The following CFAP20DC variants were observed in gnomAD, a reference collection of about 807,000 sequenced individuals.
CFAP20DC encodes protein CFAP20DC.
In CFAP20DC, 84 loss-of-function variants were observed where a neutral mutation model predicts 101.7. The observed-to-expected ratio is 0.83, with a 90% CI of 0.69 to 0.99. CFAP20DC has a LOEUF of 0.99. Among genes scored for constraint, CFAP20DC ranks in the 50% least tolerant of loss-of-function variants. The pLI is 0.00. For synonymous variants in CFAP20DC, 359 were observed against 351.2 expected, an observed-to-expected ratio of 1.02 and a Z score of -0.25; for missense variants, 1,007 against 970.3, an observed-to-expected ratio of 1.04 and a Z score of -0.50.
intron 12 of CFAP20DC, among the ~76,000 whole-genome samples, chr3:58,858,644 C>T (rs528922010): frequency 3.9e-5 from 6 of 151,950 alleles, no homozygotes; most frequent in African/African-American, 1.4e-4. Flanking sequence ...AAATTCAATC[C>T]ACCATGAAAA....
Position 58,849,243 on chromosome 3 carries a change from A to G in CFAP20DC, c.1760T>C (p.Met587Thr), listed in dbSNP as rs758166733. The change falls in exon 13 of 17, where the codon ATG becomes ACG. Residue 587 changes from methionine to threonine, a missense_variant. Coordinates refer to ENST00000482387, the MANE Select transcript of CFAP20DC (RefSeq NM_001394063.1). Reference protein sequence around the residue: ...AGATESQDSSMEQIDRNNFEM... With the variant: ...AGATESQDSSTEQIDRNNFEM... ...AAAGTTATTTCTATCTATTTGCTCCATCGAGGAATCCTGGCTTTCTGTTGC... is the reference window on the plus strand; with the variant it reads ...AAAGTTATTTCTATCTATTTGCTCCGTCGAGGAATCCTGGCTTTCTGTTGC... The G allele has an allele frequency of 6.5e-7, 1 of 1,536,108 alleles. No individual in the cohort carries two copies.
chr3:59,004,560 T>A (rs566391948), intron 4 of CFAP20DC, among the ~76,000 whole-genome samples: 6 of 152,294 alleles, frequency 3.9e-5, no homozygotes, highest in Non-Finnish European at 8.8e-5. Context: ...ACTCTTGGAT[T>A]TGGTCAACAA....
chr3:58,790,685 G>A (rs2072775512), intron 15 of CFAP20DC, among the ~76,000 whole-genome samples: 2 of 152,282 alleles, frequency 1.3e-5, no homozygotes, highest in South Asian at 4.2e-4. Flanking sequence ...CTATGAATGT[G>A]ATTTAAGCAA....
intron 4 of CFAP20DC, among the ~76,000 whole-genome samples, chr3:58,997,897 C>A (rs1472992478): frequency 6.6e-6 from 1 of 152,036 alleles, no homozygotes; most frequent in Non-Finnish European, 1.5e-5. Flanking sequence ...TAGGGGGGTC[C>A]AGCAAAGAAT....
intron 4 of CFAP20DC, among the ~76,000 whole-genome samples, chr3:58,986,353 T>TTA (rs1311910540): frequency 6.6e-6 from 1 of 152,032 alleles, no homozygotes; most frequent in African/African-American, 2.4e-5. Context: ...ACACATAAAA[T>TTA]TATAGATGGG....
At chr3:59,019,502 C>T (rs2093759031) in intron 4 of CFAP20DC, among the ~76,000 whole-genome samples, 1 of 151,826 alleles carries the variant, frequency 6.6e-6, no homozygotes, top group African/African-American at 2.4e-5. Context: ...ATGAAAGCAG[C>T]CTAGGTCCCC....
chr3:58,944,172 T>C (rs953441503), intron 4 of CFAP20DC, among the ~76,000 whole-genome samples: 1 of 147,156 alleles, frequency 6.8e-6, no homozygotes, highest in Non-Finnish European at 1.5e-5. Context: ...CTAGGAGAAC[T>C]TACCCAACCT....
At chr3:58,836,405 T>C (rs989690465) in intron 13 of CFAP20DC, among the ~76,000 whole-genome samples, 1 of 152,168 alleles carries the variant, frequency 6.6e-6, no homozygotes, top group Non-Finnish European at 1.5e-5. Context: ...TAGGACAGAA[T>C]AGTTTAATCA....
rs149734914 is a variant in CFAP20DC at position 58,784,200 on chromosome 3, T to C, written c.2237+22195A>G. ...TGGTATTGGTTTTCTATTCCTGGGT[T>C]AATTTGCTTAGGATAATGACCTCCA... is the stretch of plus-strand genomic sequence containing the variant. On this transcript the variant is annotated intron_variant, in intron 15 of 16. Transcript: ENST00000482387. Among the ~76,000 whole-genome samples the C allele has an allele frequency of 6.9e-3, 1,051 of 152,156 alleles. 13 individuals are homozygous for C. The highest frequency in any genetic ancestry group is 0.023 in the African/African-American group (975 of 41,508).
intron 13 of CFAP20DC, among the ~76,000 whole-genome samples, chr3:58,833,008 G>C (rs1006441488): frequency 6.6e-6 from 1 of 152,076 alleles, no homozygotes; most frequent in African/African-American, 2.4e-5. Flanking sequence ...GAATTTTTTA[G>C]ATGTTTATAT....
At position 58,736,783 on chromosome 3, in the gene CFAP20DC, C is replaced by G. The variant is rs530757672; in HGVS notation, c.197+16986G>C. On this transcript the variant is annotated intron_variant, in intron 3 of 3. Coordinates refer to the CFAP20DC transcript ENST00000486145. ...TTGGGCTGATGAAAACCAATCAATA[C>G]TATTTCCTACACATCACTTTCGTAA... Among the ~76,000 whole-genome samples, 9 of 152,318 alleles carry G rather than the reference C, an allele frequency of 5.9e-5. No individual in the cohort carries two copies. The South Asian group carries it at 1.7e-3, about 28-fold the overall frequency.
intron 15 of CFAP20DC, among the ~76,000 whole-genome samples, chr3:58,758,409 T>C (rs770277188): frequency 1.3e-5 from 2 of 152,110 alleles, no homozygotes; most frequent in Non-Finnish European, 2.9e-5. Flanking sequence ...AACCATTTCG[T>C]GGGTTGGCTT....
At position 58,927,502 on chromosome 3, in the gene CFAP20DC, C is replaced by T. The variant is rs557210184; in HGVS notation, c.393+10146G>A. On this transcript the variant is annotated intron_variant, in intron 5 of 16. Coordinates refer to ENST00000482387, the MANE Select transcript of CFAP20DC (RefSeq NM_001394063.1). Reference sequence around the variant, plus strand: ...GAGCTTGCAGCTTCTTAGAAGTGTGCCATTACTACTTAGCTCCCACCAAGT... The same window carrying T: ...GAGCTTGCAGCTTCTTAGAAGTGTGTCATTACTACTTAGCTCCCACCAAGT... 8.2e-4 allele frequency among the ~76,000 whole-genome samples: 125 copies of T among 152,236 alleles called. 1 individual carries two copies. Among genetic ancestry groups the T allele is most frequent in the Non-Finnish European group, 1.4e-3 (98 of 68,016 alleles).
chr3:58,731,808 G>A (rs543682169), intron 3 of CFAP20DC, among the ~76,000 whole-genome samples: 2 of 152,090 alleles, frequency 1.3e-5, no homozygotes, highest in African/African-American at 2.4e-5. Context: ...GAAGAAAGGC[G>A]CCATGATTAA....
intron 3 of CFAP20DC, among the ~76,000 whole-genome samples, chr3:58,720,522 G>A (rs2067457099): frequency 2.6e-5 from 4 of 152,132 alleles, no homozygotes; most frequent in Non-Finnish European, 5.9e-5. Context: ...TTAGTCTGCT[G>A]GGTGGAACAG....
chr3:58,786,168 T>C (rs1187128229), intron 15 of CFAP20DC, among the ~76,000 whole-genome samples: 1 of 152,164 alleles, frequency 6.6e-6, no homozygotes, highest in African/African-American at 2.4e-5. Context: ...TATTACAGGG[T>C]CCATCCCAAC....
chr3:58,916,249 T>C (rs1234788108), intron 5 of CFAP20DC, among the ~76,000 whole-genome samples: 2 of 152,134 alleles, frequency 1.3e-5, no homozygotes, highest in East Asian at 1.9e-4. Context: ...AGGCCCAGCA[T>C]GGCATGGACA....
intron 15 of CFAP20DC, among the ~76,000 whole-genome samples, chr3:58,779,551 C>A (rs2071635553): frequency 6.6e-6 from 1 of 151,970 alleles, no homozygotes; most frequent in Non-Finnish European, 1.5e-5. Flanking sequence ...ATTAAAAATT[C>A]ATTGAATGAA....
In CFAP20DC at chr3:58,864,325, G is replaced by T. The variant is rs556096568; in HGVS notation, c.1259-433C>A. On this transcript the variant is annotated intron_variant, in intron 11 of 16. Transcript: ENST00000482387. This position sits in a 1 kb window ranked among gnomAD's most constrained non-coding sequence, Gnocchi z 4.7. ...TGTTGAAACAGATTTATCAAATAAC[G>T]CAAAGCAAAGGAAGGCAATTTATAG... is the stretch of plus-strand genomic sequence containing the variant. 3.3e-5 allele frequency among the ~76,000 whole-genome samples: 5 copies of T among 152,164 alleles called. No individual in the cohort carries two copies. Among genetic ancestry groups the T allele is most frequent in the Non-Finnish European group, 5.9e-5 (4 of 68,034 alleles).
Sources: allele counts gnomAD v4.1 joint callset (sites outside exome capture counted in the v4.1 genomes callset), GRCh38; gene constraint gnomAD v4.1.1; non-coding constraint Gnocchi (gnomAD v3.1); transcripts MANE v1.5; gene names NCBI Gene and HGNC (gene_info 2026-07-23, HGNC 2026-07-21).